Variants in ATIC observed in about 807,000 individuals in gnomAD.
ATIC encodes the protein bifunctional purine biosynthesis protein ATIC.
ATIC carries 64 observed loss-of-function variants against 72.5 expected under a neutral mutation model. The ratio of observed to expected loss-of-function variants is 0.88; its 90% CI spans 0.72 to 1.09. The LOEUF is 1.09. Among genes scored for constraint, ATIC ranks in the 50% least tolerant of loss-of-function variants. The pLI is 0.00. For missense variants in ATIC, 787 were observed against 732.4 expected (o/e 1.07, Z -0.86); for synonymous variants, 281 against 267.1 (o/e 1.05, Z -0.51).
At chr2:215,364,717 G>A in the ATIC span, 1 of 665,144 alleles carries the variant, frequency 1.5e-6, no homozygotes, top group Non-Finnish European at 2.7e-6. Context: ...TAGACATAGA[G>A]CTGCTCTAGA....
chr2:215,338,666 A>G (rs2052982952), intron 11 of ATIC, 113 bp from the exon 12 acceptor site: 2 of 1,139,606 alleles, frequency 1.8e-6, no homozygotes, highest in Admixed American at 5.4e-5. Flanking sequence ...ACTGTAAAAA[A>G]TTAGAAACAT....
intron 7 of ATIC, among the ~76,000 whole-genome samples, chr2:215,328,021 G>A (rs986207842): frequency 1.3e-5 from 2 of 151,786 alleles, no homozygotes; most frequent in African/African-American, 2.4e-5. Flanking sequence ...TTACAGGTGC[G>A]CACCACAATG....
chr2:215,326,893 ATC>A lies in ATIC; in HGVS notation c.606_607del (p.Gln203AspfsTer78). 6.2e-7 allele frequency: 1 copy of A among 1,614,208 alleles called. No homozygotes were observed. Among genetic ancestry groups the A allele is most frequent in the Non-Finnish European group, 8.5e-7 (1 of 1,180,040 alleles). ...TCAGGAAACAGTACAGCAAAGGCGT[ATC>A]TCAGATGCCCTTGAGATATGGAATG... The part of the protein sequence containing the change: ...YFRKQYSKGV[S>X]QMPLRYGMNP... On this transcript the variant is annotated frameshift_variant, in exon 7 of 16. Coordinates refer to ENST00000236959, the MANE Select transcript of ATIC (RefSeq NM_004044.7). LOFTEE classifies it high-confidence loss of function.
intron 3 of ATIC, among the ~76,000 whole-genome samples, chr2:215,319,280 C>T (rs373625644): frequency 1.3e-5 from 2 of 152,222 alleles, no homozygotes; most frequent in African/African-American, 4.8e-5. Flanking sequence ...GTGGCTCTTG[C>T]CTGTAGTCCC....
At position 215,346,747 on chromosome 2, in the gene ATIC, T is replaced by C. The variant is rs2053074414; in HGVS notation, c.1321-12T>C. The C allele has an allele frequency of 5.6e-6, 9 of 1,614,014 alleles. No homozygotes were observed. In the Middle Eastern group the frequency reaches 1.2e-3, roughly 209 times the overall value. On this transcript the variant is annotated splice_polypyrimidine_tract_variant and intron_variant, in intron 13 of 15. Transcript: ENST00000236959. Reference sequence around the variant, plus strand: ...TGGAAGAGGTGTTCACTTTAATGTCTGTGTTCCTCAGGTTATCGGCATTGG... The same window carrying C: ...TGGAAGAGGTGTTCACTTTAATGTCCGTGTTCCTCAGGTTATCGGCATTGG...
chr2:215,358,791 A>T, the ATIC span, among the ~76,000 whole-genome samples: 14 of 152,224 alleles, frequency 9.2e-5, no homozygotes, highest in Non-Finnish European at 2.1e-4. Context: ...TAAGTGGGGA[A>T]CTTGAGGTTT....
intron 12 of ATIC, among the ~76,000 whole-genome samples, chr2:215,339,980 G>C (rs1360962615): frequency 6.8e-6 from 1 of 147,744 alleles, no homozygotes; most frequent in Admixed American, 6.8e-5. Flanking sequence ...TTATCCCTTT[G>C]AAGCTCGCTC....
At position 215,332,507 on chromosome 2, in the gene ATIC, G is replaced by T; in HGVS notation, c.814G>T (p.Gly272Cys). The T allele has an allele frequency of 6.2e-7, 1 of 1,614,084 alleles. No homozygotes were observed. Among genetic ancestry groups the T allele is most frequent in the Non-Finnish European group, 8.5e-7 (1 of 1,180,034 alleles). Reference protein sequence around the residue: ...AASFKHVSPAGAAVGIPLSED... With the variant: ...AASFKHVSPACAAVGIPLSED... ...CTCTTTCAAACATGTCAGCCCAGCAGGTAAAGCTCTGTGCTCTGGAAAGCT... is the reference window on the plus strand; with the variant it reads ...CTCTTTCAAACATGTCAGCCCAGCATGTAAAGCTCTGTGCTCTGGAAAGCT... Residue 272 changes from glycine to cysteine, a missense_variant and splice_region_variant, in exon 8 of 16, where the codon GGT becomes TGT. Gly to Cys is a radical substitution (Grantham distance 159). Transcript: ENST00000236959.
chr2:215,364,351 G>C, the ATIC span: 2 of 185,148 alleles, frequency 1.1e-5, no homozygotes, highest in Non-Finnish European at 2.3e-5. Flanking sequence ...CTGTCCATCA[G>C]AATGGAGTTG....
chr2:215,331,851 CAG>C (rs1018324148), intron 7 of ATIC, among the ~76,000 whole-genome samples: 1 of 152,158 alleles, frequency 6.6e-6, no homozygotes. Flanking sequence ...CTGCTTTAGG[CAG>C]AGTCTGTTGA....
chr2:215,335,626 A>C (rs968757264), intron 10 of ATIC, among the ~76,000 whole-genome samples: 12 of 152,168 alleles, frequency 7.9e-5, no homozygotes, highest in Non-Finnish European at 1.6e-4. Flanking sequence ...CGTCATGTCA[A>C]ATCTCTGATT....
At chr2:215,361,582 C>T in the ATIC span, 3 of 1,612,118 alleles carry the variant, frequency 1.9e-6, no homozygotes, top group Non-Finnish European at 2.5e-6. Context: ...CTCTGTCAGC[C>T]TGTACATCTA....
chr2:215,320,556 T>C (rs904693584), intron 4 of ATIC, among the ~76,000 whole-genome samples: 1 of 152,106 alleles, frequency 6.6e-6, no homozygotes, highest in Non-Finnish European at 1.5e-5. Flanking sequence ...CCAGCTCTTT[T>C]ACTTTTTAAC....
intron 15 of ATIC, 128 bp downstream of exon 15, chr2:215,349,377 T>C (rs2053107823): frequency 1.3e-6 from 2 of 1,571,414 alleles, no homozygotes; most frequent in African/African-American, 2.7e-5. Context: ...GAGAACCATT[T>C]GACTTCTCCA....
chr2:215,316,719 C>T (rs1470123782), intron 2 of ATIC, among the ~76,000 whole-genome samples: 1 of 152,298 alleles, frequency 6.6e-6, no homozygotes, highest in Admixed American at 6.5e-5. Flanking sequence ...ATAGCTTACA[C>T]AGAAGATAGA....
At chr2:215,351,280 A>G (rs567607823), downstream of ATIC, among the ~76,000 whole-genome samples, 1 of 152,360 alleles carries the variant, frequency 6.6e-6, no homozygotes, top group East Asian at 1.9e-4. Flanking sequence ...CTGAGCCAGA[A>G]CTGCCCAAAA....
At chr2:215,368,561 A>G in the ATIC span, among the ~76,000 whole-genome samples, 6 of 152,350 alleles carry the variant, frequency 3.9e-5, no homozygotes, top group Middle Eastern at 3.4e-3. Flanking sequence ...CTAAATAAAG[A>G]ATAATTATTA....
chr2:215,327,044 A>C (rs1419224627), intron 7 of ATIC, 66 bp downstream of exon 7: 14 of 1,603,308 alleles, frequency 8.7e-6, no homozygotes, highest in Non-Finnish European at 1.2e-5. Context: ...TCTGTATTGC[A>C]TCTGATGTGG....
At chr2:215,337,469 C>T (rs562808234) in intron 11 of ATIC, among the ~76,000 whole-genome samples, 246 of 152,180 alleles carry the variant, frequency 1.6e-3, no homozygotes, top group African/African-American at 5.4e-3. Context: ...TGAGTTCAAG[C>T]GATTTTCCTG....
Sources: gnomAD v4.1 joint callset for allele counts (sites outside exome capture counted in the v4.1 genomes callset) on GRCh38, gnomAD v4.1.1 for gene constraint, MANE v1.5 for transcripts, NCBI Gene and HGNC (gene_info 2026-07-23, HGNC 2026-07-21) for gene names.